The following TSC2 variants were observed in gnomAD, a reference collection of about 807,000 sequenced individuals.
The protein encoded by TSC2 is tuberin.
In TSC2, 29 loss-of-function variants were observed where a neutral mutation model predicts 202.2. The observed-to-expected ratio is 0.14, with a 90% CI of 0.11 to 0.20. The LOEUF (loss-of-function observed/expected upper bound fraction) is 0.20, where lower values mean the gene tolerates loss of function less well. Among genes scored for constraint, TSC2 ranks in the 10% least tolerant of loss-of-function variants. The pLI, the probability that TSC2 is intolerant of heterozygous loss-of-function variation, is 1.00. For missense variants in TSC2, 2,429 were observed against 2,420.0 expected, an observed-to-expected ratio of 1.00 and a Z score of -0.08; for synonymous variants, 1,349 against 1,044.0, an observed-to-expected ratio of 1.29 and a Z score of -5.63.
chr16:2,054,042 C>G (rs2085461772), intron 4 of TSC2: 2 of 569,160 alleles, frequency 3.5e-6, no homozygotes. Context: ...TCATCCCCTG[C>G]TCTGCGCCAC....
rs1383831944 is a variant in TSC2, at chr16:2,048,749, T to G, written c.134T>G (p.Leu45Arg). ...GAGTTTATCATCACCGCGGAAATAC[T>G]GAGAGTGAGTGAGCTACCTGTGTCT... is the stretch of plus-strand genomic sequence containing the variant. Reference protein sequence around the residue: ...QTEFIITAEILRELSMECGLN... With the variant: ...QTEFIITAEIRRELSMECGLN... Residue 45 changes from leucine (L) to arginine (R), a missense_variant, in exon 2 of 42, where the codon CTG (leucine) becomes CGG (arginine). Coordinates refer to ENST00000219476, the MANE Select transcript of TSC2 (RefSeq NM_000548.5). The G allele has an allele frequency of 1.2e-6, 2 of 1,613,888 alleles. No homozygotes were observed. Among genetic ancestry groups the G allele is most frequent in the Non-Finnish European group, 1.7e-6 (2 of 1,180,012 alleles).
intron 30 of TSC2, chr16:2,081,054 C>T (rs561049909): frequency 5.7e-5 from 11 of 191,664 alleles, no homozygotes; most frequent in East Asian, 2.5e-4. Flanking sequence ...GGGAGGAAAC[C>T]GGTCATGGCT....
At chr16:2,070,932 G>C (rs889450828) in intron 17 of TSC2, among the ~76,000 whole-genome samples, 1 of 152,036 alleles carries the variant, frequency 6.6e-6, no homozygotes, top group South Asian at 2.1e-4. Context: ...ACAGGGCAGA[G>C]CTGAGAGGGC....
intron 16 of TSC2, 35 bp from the exon 17 acceptor site, chr16:2,070,421 C>T (rs1834529702): frequency 6.2e-7 from 1 of 1,613,234 alleles, no homozygotes; most frequent in Non-Finnish European, 8.5e-7. Context: ...GTTTTCACCT[C>T]CTGCGCCGTG....
intron 2 of TSC2, among the ~76,000 whole-genome samples, chr16:2,049,425 A>G (rs11860955): frequency 0.024 from 3,617 of 152,266 alleles, 161 homozygotes; most frequent in African/African-American, 0.083. Context: ...TCTTTGTCAC[A>G]CATGCCTGGC....
chr16:2,060,961 A>T lies in TSC2; in HGVS notation c.1119+148A>T, dbSNP rs2086567620. 4.9e-6 allele frequency: 5 copies of T among 1,028,636 alleles called. No homozygotes were observed. The South Asian group carries it at 6.0e-5, about 12-fold the overall frequency. The allele number at this position is 1,028,636 out of a possible 1,614,324, so 63.7% of individuals were successfully genotyped here. Reference sequence around the variant, plus strand: ...TCTCTGGTGATTCGCAGTGGCGCTCATCCACCTTCCACCGGAGACAGGTCT... The same window carrying T: ...TCTCTGGTGATTCGCAGTGGCGCTCTTCCACCTTCCACCGGAGACAGGTCT... On this transcript the variant is annotated intron_variant, in intron 11 of 41. Transcript: ENST00000219476.
chr16:2,052,893 C>T (rs1022942059), intron 3 of TSC2, among the ~76,000 whole-genome samples: 1 of 152,230 alleles, frequency 6.6e-6, no homozygotes, highest in Admixed American at 6.5e-5. Context: ...GGTCGAGGGC[C>T]CGATGCTGGT....
intron 26 of TSC2, 142 bp from the exon 27 acceptor site, chr16:2,078,890 C>A: frequency 1.9e-6 from 2 of 1,070,852 alleles, no homozygotes; most frequent in Non-Finnish European, 2.8e-6. Context: ...CAAGCTGAGG[C>A]TCGCTGGGCC....
chr16:2,070,319 C>T (rs772267846), intron 16 of TSC2, 137 bp from the exon 17 acceptor site: 19 of 1,459,798 alleles, frequency 1.3e-5, no homozygotes, highest in Non-Finnish European at 1.5e-5. Context: ...TCCTGGTGGT[C>T]CTGGGTTTGA....
intron 17 of TSC2, among the ~76,000 whole-genome samples, chr16:2,071,128 G>A (rs942390741): frequency 7.9e-5 from 12 of 152,332 alleles, no homozygotes; most frequent in African/African-American, 2.6e-4. Context: ...CACCCCTGTG[G>A]CCTCAGAGTC....
At chr16:2,056,510 T>G (rs1377558878) in intron 7 of TSC2, 134 bp from the exon 8 acceptor site, 1 of 1,386,446 alleles carries the variant, frequency 7.2e-7, no homozygotes, top group Non-Finnish European at 9.8e-7. Flanking sequence ...GCCCTGTGGC[T>G]TGGAGAGAGG....
intron 17 of TSC2, 39 bp from the exon 18 acceptor site, chr16:2,071,471 C>T (rs751931493): frequency 3.4e-5 from 54 of 1,610,412 alleles, no homozygotes; most frequent in East Asian, 2.2e-5. Context: ...TGGGCCTGCA[C>T]GAGCTTGGCT....
intron 26 of TSC2, 106 bp from the exon 27 acceptor site, chr16:2,078,926 G>T: frequency 2.0e-6 from 3 of 1,499,398 alleles, no homozygotes; most frequent in South Asian, 2.3e-5. Context: ...GGGTCTTTCC[G>T]AGCGAGGTCC....
At chr16:2,048,320 G>T (rs1203832406) in intron 1 of TSC2, 1 of 984,572 alleles carries the variant, frequency 1.0e-6, no homozygotes, top group Admixed American at 2.0e-5. Context: ...CTTCGCGGCG[G>T]CAGTCCTAAC....
chr16:2,081,822 C>T (rs1022004287), intron 31 of TSC2, 24 bp downstream of exon 31: 20 of 1,609,836 alleles, frequency 1.2e-5, no homozygotes, highest in Non-Finnish European at 1.7e-5. Flanking sequence ...CGGGCCTTGG[C>T]ACGGGCTCTG....
At position 2,076,176 on chromosome 16, in the gene TSC2, C is replaced by G. The variant is rs377568673; in HGVS notation, c.2742+6C>G. 1.2e-6 allele frequency: 2 copies of G among 1,613,520 alleles called. No homozygotes were observed. Among genetic ancestry groups the G allele is most frequent in the Admixed American group, 1.7e-5 (1 of 59,998 alleles). On this transcript the variant is annotated splice_donor_region_variant and intron_variant, in intron 24 of 41. Transcript: ENST00000219476. ...TTGTCCCTTTCATCACTAAGGTGGG[C>G]TCAGGGCCGGTGAAGGCTGTGTCTC...
intron 10 of TSC2, 129 bp from the exon 11 acceptor site, chr16:2,060,541 C>G (rs1167733721): frequency 5.3e-6 from 8 of 1,504,852 alleles, no homozygotes; most frequent in Non-Finnish European, 7.3e-6. Flanking sequence ...GTTTCTGCGG[C>G]CCCTGATAAA....
rs786203392 is a variant in TSC2, at chr16:2,079,596, G to A, written c.3324G>A (p.Ala1108=). The A allele has an allele frequency of 6.2e-7, 1 of 1,611,472 alleles. No individual in the cohort carries two copies. Among genetic ancestry groups the A allele is most frequent in the Non-Finnish European group, 8.5e-7 (1 of 1,179,460 alleles). ...PGVHVRQTKE[A]PAKLESQAGQ... ...TGCATGTGAGACAGACCAAGGAGGCGCCGGCCAAGCTGGAGTCCCAGGCTG... is the reference window on the plus strand; with the variant it reads ...TGCATGTGAGACAGACCAAGGAGGCACCGGCCAAGCTGGAGTCCCAGGCTG... Residue 1108 remains alanine, a synonymous_variant, in exon 29 of 42, where the codon GCG becomes GCA. Coordinates refer to ENST00000219476, the MANE Select transcript of TSC2 (RefSeq NM_000548.5). This position sits in a 1 kb window ranked among gnomAD's most constrained non-coding sequence, Gnocchi z 4.6.
intron 1 of TSC2, 112 bp downstream of exon 1, chr16:2,048,177 G>A (rs1567378608): frequency 1.3e-6 from 2 of 1,536,830 alleles, no homozygotes; most frequent in Non-Finnish European, 1.8e-6. Flanking sequence ...ACTGCAACCC[G>A]ACTCCGGAGC....
Sources: allele counts gnomAD v4.1 joint callset (sites outside exome capture counted in the v4.1 genomes callset), GRCh38; gene constraint gnomAD v4.1.1; non-coding constraint Gnocchi (gnomAD v3.1); transcripts MANE v1.5; gene names NCBI Gene and HGNC (gene_info 2026-07-23, HGNC 2026-07-21).